DCDC1: variants seen among roughly 807,000 people sequenced by gnomAD.
DCDC1 encodes doublecortin domain containing 1.
A neutral mutation model predicts 178.3 loss-of-function variants in DCDC1; 200 were observed. The observed-to-expected ratio is 1.12, with a 90% CI of 1.00 to 1.26. The LOEUF is 1.26. DCDC1 is among the 50% of genes most tolerant of loss of function. DCDC1 has a pLI of 0.00. For missense variants in DCDC1, 1,983 were observed against 1,749.2 expected (o/e 1.13, Z -2.38); for synonymous variants, 690 against 604.8 (o/e 1.14, Z -2.07).
At chr11:31,332,513 T>C (rs1194902240) in intron 2 of DCDC1, among the ~76,000 whole-genome samples, 1 of 152,228 alleles carries the variant, frequency 6.6e-6, no homozygotes, top group Non-Finnish European at 1.5e-5. Context: ...CTTGTGGGCA[T>C]TTAGTGCTAT....
intron 7 of DCDC1, chr11:31,280,873 C>A: frequency 1.6e-6 from 1 of 636,650 alleles, no homozygotes; most frequent in Non-Finnish European, 3.0e-6. Flanking sequence ...CTGTCTTCTG[C>A]CCGAAGAGAC....
intron 9 of DCDC1, among the ~76,000 whole-genome samples, chr11:31,232,701 G>A (rs551107095): frequency 3.9e-5 from 6 of 152,174 alleles, no homozygotes; most frequent in South Asian, 4.2e-4. Flanking sequence ...CTTAGACAAG[G>A]ACCTTACTGC....
At chr11:31,157,867 A>G (rs2136141280) in intron 9 of DCDC1, among the ~76,000 whole-genome samples, 1 of 152,320 alleles carries the variant, frequency 6.6e-6, no homozygotes, top group African/African-American at 2.4e-5. Flanking sequence ...CTACAATAAA[A>G]AAGTAGCTAT....
chr11:31,253,397 C>CTG (rs1944198571), intron 8 of DCDC1, among the ~76,000 whole-genome samples: 3 of 148,614 alleles, frequency 2.0e-5, no homozygotes, highest in African/African-American at 7.5e-5. Flanking sequence ...TGCTCTGTCA[C>CTG]CCAGGCTGGA....
intron 28 of DCDC1, among the ~76,000 whole-genome samples, chr11:30,909,838 G>A (rs913108662): frequency 6.6e-6 from 1 of 152,104 alleles, no homozygotes; most frequent in Admixed American, 6.6e-5. Flanking sequence ...AATTGTGAAA[G>A]TTGGCTCAAG....
intron 10 of DCDC1, among the ~76,000 whole-genome samples, chr11:31,133,654 C>T (rs1457074438): frequency 1.7e-4 from 26 of 151,942 alleles, no homozygotes; most frequent in Admixed American, 1.7e-3. Flanking sequence ...CGTAGCACCT[C>T]TTATTGCCAG....
intron 16 of DCDC1, 105 bp downstream of exon 16, chr11:31,093,945 C>T (rs1957972463): frequency 2.9e-6 from 2 of 678,612 alleles, no homozygotes; most frequent in Non-Finnish European, 2.7e-6. Context: ...ATTTATCACG[C>T]TTTCACTTGT....
At chr11:31,116,018 G>C (rs1275838711) in intron 11 of DCDC1, among the ~76,000 whole-genome samples, 1 of 144,774 alleles carries the variant, frequency 6.9e-6, no homozygotes, top group Non-Finnish European at 1.5e-5. Context: ...TCCTGAGAGG[G>C]AATCTGGGCA....
chr11:30,865,579 C>T (rs1001422244), intron 38 of DCDC1, among the ~76,000 whole-genome samples: 12 of 151,960 alleles, frequency 7.9e-5, no homozygotes, highest in Admixed American at 5.3e-4. Context: ...AAAATTTTAT[C>T]AATGTTATAA....
chr11:31,110,905 A>G (rs1959159646), intron 11 of DCDC1, among the ~76,000 whole-genome samples: 1 of 152,188 alleles, frequency 6.6e-6, no homozygotes, highest in African/African-American at 2.4e-5. Context: ...ATCCATTTTA[A>G]GTGCACATAT....
At chr11:30,903,716 C>A in intron 31 of DCDC1, 33 bp from the exon 32 acceptor site, 2 of 1,514,866 alleles carry the variant, frequency 1.3e-6, no homozygotes, top group African/African-American at 1.4e-5. Flanking sequence ...ATCTGACAGG[C>A]AAAGGTGATA....
chr11:31,274,980 T>A (rs1375788966), intron 7 of DCDC1, among the ~76,000 whole-genome samples: 25 of 152,156 alleles, frequency 1.6e-4, no homozygotes, highest in Admixed American at 1.4e-3. Flanking sequence ...ATTACAGGTG[T>A]GAGCCACCAC....
At chr11:30,898,497 A>T (rs1326381460) in intron 34 of DCDC1, among the ~76,000 whole-genome samples, 2 of 152,174 alleles carry the variant, frequency 1.3e-5, no homozygotes, top group Non-Finnish European at 2.9e-5. Context: ...AGAGAGAGGG[A>T]GATGCCAAGA....
chr11:31,144,523 A>T (rs541381064), intron 9 of DCDC1, among the ~76,000 whole-genome samples: 9 of 152,290 alleles, frequency 5.9e-5, no homozygotes, highest in African/African-American at 1.9e-4. Context: ...ACTAGCTATA[A>T]ATAAAAACAC....
At position 31,324,490 on chromosome 11, in the gene DCDC1, A is replaced by G. The variant is rs372493656; in HGVS notation, c.164+3627T>C. 3.3e-5 allele frequency among the ~76,000 whole-genome samples: 5 copies of G among 152,096 alleles called. 1 individual carries two copies. The South Asian group carries it at 1.0e-3, about 31-fold the overall frequency. ...ATTTTATAAAGAAAATATTATATTTATATGTAGATCTGCAGAAATATTTGT... is the reference window on the plus strand; with the variant it reads ...ATTTTATAAAGAAAATATTATATTTGTATGTAGATCTGCAGAAATATTTGT... On this transcript the variant is annotated intron_variant, in intron 3 of 38. Coordinates refer to ENST00000684477, the MANE Select transcript of DCDC1 (RefSeq NM_001387274.1).
At chr11:31,274,801 A>T (rs1945860092) in intron 7 of DCDC1, among the ~76,000 whole-genome samples, 1 of 151,690 alleles carries the variant, frequency 6.6e-6, no homozygotes, top group Non-Finnish European at 1.5e-5. Flanking sequence ...CCCAGGTTCA[A>T]GTGATTCTCC....
intron 20 of DCDC1, among the ~76,000 whole-genome samples, chr11:31,053,373 G>A (rs942421260): frequency 6.6e-6 from 1 of 152,044 alleles, no homozygotes; most frequent in Non-Finnish European, 1.5e-5. Flanking sequence ...AGCACCAGAC[G>A]GATTCACAGC....
At position 31,354,324 on chromosome 11, in the gene DCDC1, T is replaced by C. The variant is rs191701034; in HGVS notation, c.-125+15373A>G. 1.0e-3 allele frequency among the ~76,000 whole-genome samples: 155 copies of C among 152,234 alleles called. 1 individual carries two copies. The highest frequency in any genetic ancestry group is 3.4e-3 in the African/African-American group (142 of 41,554). ...CAAAAAAAATTATGAGTCAAATATT[T>C]ATGACTGTCAACACAGAATAGGTCA... On this transcript the variant is annotated intron_variant, in intron 1 of 38. Coordinates refer to ENST00000684477, the MANE Select transcript of DCDC1 (RefSeq NM_001387274.1).
intron 9 of DCDC1, among the ~76,000 whole-genome samples, chr11:31,213,672 A>G (rs1973141559): frequency 6.6e-6 from 1 of 151,680 alleles, no homozygotes; most frequent in South Asian, 2.1e-4. Flanking sequence ...GTTAGCCGAG[A>G]TCACGCCACT....
Sources: allele counts gnomAD v4.1 joint callset (sites outside exome capture counted in the v4.1 genomes callset), GRCh38; gene constraint gnomAD v4.1.1; transcripts MANE v1.5; gene names NCBI Gene and HGNC (gene_info 2026-07-23, HGNC 2026-07-21).